CDC42BPA: variants seen among roughly 807,000 people sequenced by gnomAD.
CDC42BPA encodes the protein CDC42 binding protein kinase alpha.
CDC42BPA carries 80 observed loss-of-function variants against 223.5 expected under a neutral mutation model. The observed-to-expected ratio is 0.36, with a 90% CI of 0.30 to 0.43. CDC42BPA has a LOEUF of 0.43. CDC42BPA is among the 20% of genes least tolerant of loss of function. The pLI is 1.00. For synonymous variants in CDC42BPA, 694 were observed against 718.6 expected (o/e 0.97, Z 0.55); for missense variants, 1,743 against 2,099.9 (o/e 0.83, Z 3.32).
intron 1 of CDC42BPA, among the ~76,000 whole-genome samples, chr1:227,286,282 C>A (rs1688787490): frequency 6.6e-6 from 1 of 152,190 alleles, no homozygotes; most frequent in Admixed American, 6.5e-5. Context: ...GCAGTCATAT[C>A]ATTCTCGAAT....
At position 227,151,881 on chromosome 1, in the gene CDC42BPA, C is replaced by CAAAAA. The variant is rs58336726; in HGVS notation, c.694-4327_694-4323dup. On this transcript the variant is annotated intron_variant, in intron 6 of 36. Transcript: ENST00000366766. ...CCAAGAGGTCATAACCCAGTCTCTA[C>CAAAAA]AAAAAAAAAAAAAAAAAAAAAATTA... Among the ~76,000 whole-genome samples, 176 of 84,300 alleles carry CAAAAA rather than the reference C, an allele frequency of 2.1e-3. 2 individuals are homozygous for CAAAAA. The highest frequency in any genetic ancestry group is 7.4e-3 in the Middle Eastern group (1 of 136). The allele number at this position is 84,300 out of a possible 152,430, so 55.3% of individuals were successfully genotyped here. A position where few individuals can be genotyped will look rare whatever the true frequency, so the allele number is the denominator to read the frequency against.
At chr1:227,006,709 G>C (rs1322932745) in intron 34 of CDC42BPA, among the ~76,000 whole-genome samples, 8 of 152,096 alleles carry the variant, frequency 5.3e-5, no homozygotes, top group African/African-American at 1.9e-4. Context: ...GACTGAGGTG[G>C]GCAGATCACG....
At chr1:227,274,269 A>G (rs1188748015) in intron 1 of CDC42BPA, among the ~76,000 whole-genome samples, 1 of 152,148 alleles carries the variant, frequency 6.6e-6, no homozygotes, top group Non-Finnish European at 1.5e-5. Context: ...CTATGATCCA[A>G]AAGTAGGCAC....
In CDC42BPA at chr1:227,147,547, C is replaced by A. The variant is rs776958792; in HGVS notation, c.706G>T (p.Val236Leu). 6.3e-7 allele frequency: 1 copy of A among 1,598,318 alleles called. No homozygotes were observed. Among genetic ancestry groups the A allele is most frequent in the Non-Finnish European group, 8.5e-7 (1 of 1,172,566 alleles). ...ATATAATCTGGAGTTCCTACAGCCACTGAGGACTGAACCTGAAGAAATTTA... is the reference window on the plus strand; with the variant it reads ...ATATAATCTGGAGTTCCTACAGCCAATGAGGACTGAACCTGAAGAAATTTA... ...LMEDGTVQSS[V>L]AVGTPDYISP... The change falls in exon 7 of 37, where the codon GTG (valine) becomes TTG (leucine). Residue 236 changes from valine to leucine, a missense_variant. Physicochemically the swap from Val to Leu is conservative, Grantham distance 32 (BLOSUM62 1). This residue lies in a region of CDC42BPA where 321 missense variants were observed against 488.7 expected (regional missense o/e 0.66). Transcript: ENST00000366766.
rs10916107 is a variant in CDC42BPA at position 227,226,050 on chromosome 1, C to T, written c.271-12831G>A. Among the ~76,000 whole-genome samples the T allele has an allele frequency of 1.7e-3, 259 of 152,272 alleles. 4 individuals are homozygous for T. The East Asian group carries it at 0.037, about 22-fold the overall frequency. ...GATTCAAGAGGCAAATGTTGAAAAA[C>T]AAAAATGAGTAATTCCCTTTCACTT... On this transcript the variant is annotated intron_variant, in intron 2 of 36. Coordinates refer to ENST00000366766, the MANE Select transcript of CDC42BPA (RefSeq NM_001394014.1).
chr1:227,099,926 T>A (rs12403391), intron 15 of CDC42BPA, among the ~76,000 whole-genome samples: 1 of 152,042 alleles, frequency 6.6e-6, no homozygotes, highest in Non-Finnish European at 1.5e-5. Flanking sequence ...GAAAGTTCTA[T>A]GGGACAGGAA....
chr1:227,147,674 T>C, intron 6 of CDC42BPA, 115 bp from the exon 7 acceptor site: 1 of 546,130 alleles, frequency 1.8e-6, no homozygotes, highest in South Asian at 3.6e-5. Context: ...TGTCATTATC[T>C]GAAAAATAAT....
At chr1:227,038,341 T>C (rs1219875181) in intron 24 of CDC42BPA, among the ~76,000 whole-genome samples, 1 of 152,216 alleles carries the variant, frequency 6.6e-6, no homozygotes, top group Admixed American at 6.5e-5. Flanking sequence ...TTATAAATTA[T>C]GCAGTCTTGG....
intron 28 of CDC42BPA, 85 bp from the exon 29 acceptor site, chr1:227,030,555 C>T (rs1339761814): frequency 1.3e-6 from 1 of 779,788 alleles, no homozygotes; most frequent in South Asian, 1.7e-5. Flanking sequence ...ACATTTGGTG[C>T]AAAAAATGGA....
chr1:227,132,205 T>C (rs1657267211), intron 10 of CDC42BPA, among the ~76,000 whole-genome samples: 1 of 151,832 alleles, frequency 6.6e-6, no homozygotes, highest in African/African-American at 2.4e-5. Context: ...AGCTGGAGAG[T>C]ACTGCTACCA....
At chr1:227,149,203 T>C (rs1371483974) in intron 6 of CDC42BPA, among the ~76,000 whole-genome samples, 1 of 152,208 alleles carries the variant, frequency 6.6e-6, no homozygotes, top group Non-Finnish European at 1.5e-5. Context: ...ATGAAAAATA[T>C]TGTTCCTGTA....
At chr1:227,273,615 G>C (rs923658028) in intron 1 of CDC42BPA, among the ~76,000 whole-genome samples, 2 of 151,748 alleles carry the variant, frequency 1.3e-5, no homozygotes, top group Non-Finnish European at 2.9e-5. Flanking sequence ...ATAAAAATAG[G>C]GAGGAGTTCA....
At chr1:227,245,773 TGACTA>T (rs1370264060) in intron 2 of CDC42BPA, among the ~76,000 whole-genome samples, 1 of 152,168 alleles carries the variant, frequency 6.6e-6, no homozygotes, top group Non-Finnish European at 1.5e-5. Flanking sequence ...CATCACCTGC[TGACTA>T]AAGAGTTCTT....
chr1:227,141,154 C>T (rs189758715), intron 9 of CDC42BPA, among the ~76,000 whole-genome samples: 1 of 152,252 alleles, frequency 6.6e-6, no homozygotes. Flanking sequence ...TCAACAGTGA[C>T]ATCGATAAAA....
At chr1:227,102,504 A>G (rs1685217470) in intron 14 of CDC42BPA, among the ~76,000 whole-genome samples, 1 of 152,158 alleles carries the variant, frequency 6.6e-6, no homozygotes, top group South Asian at 2.1e-4. Flanking sequence ...CTAACTACTT[A>G]AAGAAAAGAA....
At chr1:227,281,096 A>ATGGCCCATGTGAATGTGGAGAATAC (rs1687944664) in intron 1 of CDC42BPA, among the ~76,000 whole-genome samples, 1 of 152,150 alleles carries the variant, frequency 6.6e-6, no homozygotes. Flanking sequence ...CACAAACACC[A>ATGGCCCATGTGAATGTGGAGAATAC]TGGCCCATGT....
intron 1 of CDC42BPA, among the ~76,000 whole-genome samples, chr1:227,270,102 G>A (rs537432877): frequency 1.8e-4 from 27 of 152,012 alleles, no homozygotes; most frequent in Non-Finnish European, 3.1e-4. Flanking sequence ...TCCATACAAT[G>A]AAACATATGC....
chr1:227,255,150 CGT>C (rs1682824873), intron 1 of CDC42BPA, among the ~76,000 whole-genome samples: 1 of 152,134 alleles, frequency 6.6e-6, no homozygotes, highest in Non-Finnish European at 1.5e-5. Context: ...GAAGTTTAAA[CGT>C]GTCTCCTTTC....
intron 12 of CDC42BPA, among the ~76,000 whole-genome samples, chr1:227,115,751 A>G (rs1687673761): frequency 6.6e-6 from 1 of 152,110 alleles, no homozygotes; most frequent in African/African-American, 2.4e-5. Context: ...ATAAAACTCC[A>G]TATATTGAAA....
Sources: gnomAD v4.1 joint callset for allele counts (sites outside exome capture counted in the v4.1 genomes callset) on GRCh38, gnomAD v4.1.1 for gene constraint, gnomAD v4.1.1 regional missense constraint, MANE v1.5 for transcripts, NCBI Gene and HGNC (gene_info 2026-07-23, HGNC 2026-07-21) for gene names.